PCDH15: variants seen among roughly 807,000 people sequenced by gnomAD.
The protein encoded by PCDH15 is protocadherin-15.
In PCDH15, 129 loss-of-function variants were observed where a neutral mutation model predicts 178.5. The observed-to-expected ratio is 0.72, with a 90% CI of 0.63 to 0.84. The LOEUF is 0.84. Among genes scored for constraint, PCDH15 ranks in the 40% least tolerant of loss-of-function variants. PCDH15 has a pLI of 0.00. For synonymous variants in PCDH15, 800 were observed against 732.0 expected, an observed-to-expected ratio of 1.09 and a Z score of -1.50; for missense variants, 2,230 against 2,099.9, an observed-to-expected ratio of 1.06 and a Z score of -1.21.
intron 2 of PCDH15, among the ~76,000 whole-genome samples, chr10:55,600,568 G>C (rs551258920): frequency 6.6e-6 from 1 of 152,010 alleles, no homozygotes; most frequent in African/African-American, 2.4e-5. Context: ...ATGTTGGATC[G>C]GGACATCCTA....
At chr10:55,278,946 C>T (rs1842662247) in intron 1 of PCDH15, among the ~76,000 whole-genome samples, 1 of 152,188 alleles carries the variant, frequency 6.6e-6, no homozygotes, top group Non-Finnish European at 1.5e-5. Flanking sequence ...CAATTTTATA[C>T]TCCATTTAAC....
intron 2 of PCDH15, among the ~76,000 whole-genome samples, chr10:55,407,912 G>A (rs1017354466): frequency 6.6e-6 from 1 of 152,116 alleles, no homozygotes; most frequent in Non-Finnish European, 1.5e-5. Flanking sequence ...AAGTCTCAAG[G>A]ACAAGTAATT....
At chr10:53,947,878 T>C (rs1589568906) in intron 23 of PCDH15, among the ~76,000 whole-genome samples, 1 of 152,196 alleles carries the variant, frequency 6.6e-6, no homozygotes, top group African/African-American at 2.4e-5. Flanking sequence ...ATCCAAATAT[T>C]TGAAAGCAAA....
rs1043557611 is a variant in PCDH15, at chr10:53,995,650, G to T, written c.2867C>A (p.Pro956His). The T allele has an allele frequency of 1.2e-6, 2 of 1,613,734 alleles. No individual in the cohort carries two copies. The highest frequency in any genetic ancestry group is 2.7e-5 in the African/African-American group (2 of 74,906). The change falls in exon 21 of 38, where the codon CCT (proline) becomes CAT (histidine). Residue 956 changes from proline (P) to histidine (H), a missense_variant and splice_region_variant. Transcript: ENST00000644397. ...TATTAATCAATGCCTTCTACTTACA[G>T]GAGGGTCTGCATCTTCAGCATAAAC... ...TTVYAEDADPPGLPASRVRYR... is the reference protein window; with the variant it reads ...TTVYAEDADPHGLPASRVRYR...
At chr10:54,353,608 A>G (rs1361049546) in intron 5 of PCDH15, among the ~76,000 whole-genome samples, 1 of 152,048 alleles carries the variant, frequency 6.6e-6, no homozygotes, top group Admixed American at 6.5e-5. Context: ...ACTTCAATAG[A>G]GTGTGTACCC....
chr10:53,839,808 G>A (rs1005510392), intron 29 of PCDH15, among the ~76,000 whole-genome samples: 3 of 152,072 alleles, frequency 2.0e-5, no homozygotes, highest in Non-Finnish European at 4.4e-5. Context: ...CTGCTAGGAT[G>A]AAATTTCACA....
chr10:55,602,260 G>C (rs1843102739), intron 2 of PCDH15, among the ~76,000 whole-genome samples: 1 of 152,168 alleles, frequency 6.6e-6, no homozygotes, highest in Non-Finnish European at 1.5e-5. Flanking sequence ...ATCGCTGATT[G>C]CTAGCACAGC....
In PCDH15 at chr10:54,760,989, G is replaced by A. The variant is rs149308041; in HGVS notation, c.-29+39936C>T. Among the ~76,000 whole-genome samples the A allele has an allele frequency of 4.6e-5, 7 of 152,006 alleles. No individual in the cohort carries two copies. In the East Asian group the frequency reaches 7.8e-4, roughly 17 times the overall value. On this transcript the variant is annotated intron_variant, in intron 1 of 37. Coordinates refer to ENST00000644397, the MANE Select transcript of PCDH15 (RefSeq NM_001384140.1). ...CAATATAGTTCAACTATATTGGCTC[G>A]AATCAATATAACTGGTAGTTTAAGT...
intron 2 of PCDH15, among the ~76,000 whole-genome samples, chr10:55,020,720 C>T (rs548733629): frequency 6.6e-6 from 1 of 152,192 alleles, no homozygotes; most frequent in East Asian, 1.9e-4. Flanking sequence ...AAAGGATATA[C>T]ACCTCCCTCA....
intron 3 of PCDH15, among the ~76,000 whole-genome samples, chr10:54,885,696 TAG>T (rs1591762920): frequency 6.6e-6 from 1 of 152,064 alleles, no homozygotes; most frequent in East Asian, 1.9e-4. Context: ...AAGACAGACA[TAG>T]AGTTATTTCT....
At chr10:54,750,905 T>C (rs1411758057) in intron 1 of PCDH15, among the ~76,000 whole-genome samples, 1 of 152,066 alleles carries the variant, frequency 6.6e-6, no homozygotes, top group African/African-American at 2.4e-5. Context: ...ATATGAACTT[T>C]ATTAATAGTG....
chr10:55,420,610 TG>T (rs1436240256), intron 2 of PCDH15, among the ~76,000 whole-genome samples: 1 of 151,658 alleles, frequency 6.6e-6, no homozygotes, highest in Non-Finnish European at 1.5e-5. Flanking sequence ...GACTGGAGCA[TG>T]GGGAACAGGA....
At chr10:55,268,673 A>G (rs1842362880) in intron 1 of PCDH15, among the ~76,000 whole-genome samples, 1 of 152,302 alleles carries the variant, frequency 6.6e-6, no homozygotes, top group Middle Eastern at 3.4e-3. Flanking sequence ...AACTATAAGA[A>G]GTTTTGATGT....
At chr10:54,622,240 C>T (rs74429838) in intron 2 of PCDH15, among the ~76,000 whole-genome samples, 4,526 of 151,162 alleles carry the variant, frequency 0.03, 217 homozygotes, top group African/African-American at 0.099. Flanking sequence ...ATGTATCTAC[C>T]GGAGGAAATT....
chr10:55,544,423 T>C (rs1216935303), intron 2 of PCDH15, among the ~76,000 whole-genome samples: 1 of 151,790 alleles, frequency 6.6e-6, no homozygotes, highest in African/African-American at 2.4e-5. Context: ...AAGGCACACA[T>C]TAATATATCT....
At chr10:55,117,197 GAAGAA>G in intron 2 of PCDH15, among the ~76,000 whole-genome samples, 1 of 152,254 alleles carries the variant, frequency 6.6e-6, no homozygotes, top group African/African-American at 2.4e-5. Context: ...AGCGATGGGT[GAAGAA>G]AAGAAATCTT....
Position 53,803,066 on chromosome 10 carries a change from G to A in PCDH15, c.*3513C>T, listed in dbSNP as rs116321896. ...ATGATAAAGATCAAAATTAACTATTGAAAACCAATAAAAAAAATAGAACAA... is the reference window on the plus strand; with the variant it reads ...ATGATAAAGATCAAAATTAACTATTAAAAACCAATAAAAAAAATAGAACAA... On this transcript the variant is annotated 3_prime_UTR_variant, in exon 38 of 38. Transcript: ENST00000644397. 4.3e-3 allele frequency: 649 copies of A among 151,664 alleles called. 3 individuals carry two copies. Among genetic ancestry groups the A allele is most frequent in the African/African-American group, 0.015 (618 of 41,414 alleles). 9.4% of individuals were successfully genotyped at this position (151,664 alleles called of 1,614,324 possible).
At chr10:55,075,218 G>T (rs1841852411) in intron 2 of PCDH15, among the ~76,000 whole-genome samples, 2 of 151,852 alleles carry the variant, frequency 1.3e-5, no homozygotes, top group African/African-American at 2.4e-5. Context: ...TTCCTCTAGG[G>T]TTATGAGAAT....
chr10:53,912,846 T>C (rs888836974), intron 25 of PCDH15, among the ~76,000 whole-genome samples: 2 of 152,098 alleles, frequency 1.3e-5, no homozygotes, highest in Non-Finnish European at 2.9e-5. Flanking sequence ...GAATCAATAT[T>C]GTGAAAATGG....
Sources: gnomAD v4.1 joint callset for allele counts (sites outside exome capture counted in the v4.1 genomes callset) on GRCh38, gnomAD v4.1.1 for gene constraint, MANE v1.5 for transcripts, NCBI Gene and HGNC (gene_info 2026-07-23, HGNC 2026-07-21) for gene names.